The following CLOCK variants were observed in gnomAD, a reference collection of about 807,000 sequenced individuals.
CLOCK encodes the protein circadian locomoter output cycles protein kaput.
CLOCK carries 43 observed loss-of-function variants against 118.4 expected under a neutral mutation model. The observed-to-expected ratio is 0.36, with a 90% confidence interval of 0.28 to 0.47. CLOCK has a LOEUF of 0.47. CLOCK is among the 20% of genes least tolerant of loss of function. The pLI is 1.00. For missense variants in CLOCK, 846 were observed against 999.9 expected, an observed-to-expected ratio of 0.85 and a Z score of 2.08; for synonymous variants, 326 against 339.2, an observed-to-expected ratio of 0.96 and a Z score of 0.43.
rs1196269037 is a variant in CLOCK, at chr4:55,537,886, T to C, written c.-290+8896A>G. On this transcript the variant is annotated intron_variant, in intron 1 of 22. Transcript: ENST00000513440. ...GTCACAAATCAATGACCTCAGCTTC[T>C]ATCTTAAGAAACCAGAAAAAGAAAA... Among the ~76,000 whole-genome samples the C allele has an allele frequency of 2.0e-5, 3 of 152,162 alleles. No homozygotes were observed. The East Asian group carries it at 5.8e-4, about 29-fold the overall frequency.
chr4:55,470,040 G>T (rs886441693), intron 8 of CLOCK, among the ~76,000 whole-genome samples: 1 of 152,122 alleles, frequency 6.6e-6, no homozygotes, highest in African/African-American at 2.4e-5. Flanking sequence ...CAGTAAAAAA[G>T]TTATAATAAG....
intron 2 of CLOCK, among the ~76,000 whole-genome samples, chr4:55,500,708 GT>G (rs1728378715): frequency 1.3e-5 from 2 of 152,108 alleles, no homozygotes; most frequent in Admixed American, 1.3e-4. Flanking sequence ...TATCCATTAT[GT>G]TTTATCCATT....
In CLOCK at chr4:55,525,754, G is replaced by A. The variant is rs574087920; in HGVS notation, c.-289-15689C>T. On this transcript the variant is annotated intron_variant, in intron 1 of 22. Coordinates refer to ENST00000513440, the MANE Select transcript of CLOCK (RefSeq NM_004898.4). ...CAAAGTGCTGGAATTACAAGCATGAGCCACCACACCTGGCCAAATAAAAAA... is the reference window on the plus strand; with the variant it reads ...CAAAGTGCTGGAATTACAAGCATGAACCACCACACCTGGCCAAATAAAAAA... Among the ~76,000 whole-genome samples, 3 of 152,000 alleles carry A rather than the reference G, an allele frequency of 2.0e-5. No individual in the cohort carries two copies. In the South Asian group the frequency reaches 6.2e-4, roughly 32 times the overall value.
rs1724228402 is a variant in CLOCK, at chr4:55,449,409, G to A, written c.1436C>T (p.Ser479Leu). 6.2e-7 allele frequency: 1 copy of A among 1,613,544 alleles called. No homozygotes were observed. Among genetic ancestry groups the A allele is most frequent in the Non-Finnish European group, 8.5e-7 (1 of 1,179,688 alleles). The change falls in exon 17 of 23, where the codon TCA (serine) becomes TTA (leucine). Residue 479 changes from serine (S) to leucine (L), a missense_variant. Physicochemically the swap from Ser to Leu is moderately radical, Grantham distance 145 (BLOSUM62 -2). Coordinates refer to ENST00000513440, the MANE Select transcript of CLOCK (RefSeq NM_004898.4). ...AHEKMVQRRS[S>L]FSSQSINSQS... Reference sequence around the variant, plus strand: ...TAAAGAGCTTACCTGACTACTAAATGATGACCTTCTTTGCACCATCTTCTC... The same window carrying A: ...TAAAGAGCTTACCTGACTACTAAATAATGACCTTCTTTGCACCATCTTCTC...
chr4:55,469,878 T>C (rs1312657329), intron 8 of CLOCK, among the ~76,000 whole-genome samples: 1 of 152,038 alleles, frequency 6.6e-6, no homozygotes, highest in Non-Finnish European at 1.5e-5. Flanking sequence ...TTGGCTAATT[T>C]TTATGTTTTT....
chr4:55,506,749 T>A (rs1235721605), intron 2 of CLOCK, among the ~76,000 whole-genome samples: 1 of 151,850 alleles, frequency 6.6e-6, no homozygotes, highest in African/African-American at 2.4e-5. Context: ...TTAGTAGAGA[T>A]GGGGTTTTAC....
At chr4:55,525,606 T>C (rs1433032742) in intron 1 of CLOCK, among the ~76,000 whole-genome samples, 1 of 152,148 alleles carries the variant, frequency 6.6e-6, no homozygotes, top group East Asian at 1.9e-4. Flanking sequence ...GAGTAGCTGA[T>C]TACAGGTGTC....
chr4:55,459,189 T>G lies in CLOCK; in HGVS notation c.632A>C (p.Glu211Ala). 1.9e-6 allele frequency: 3 copies of G among 1,610,678 alleles called. No individual in the cohort carries two copies. The South Asian group carries it at 3.3e-5, about 18-fold the overall frequency. The stretch of plus-strand genomic sequence containing the variant: ...GAAATTTCCTATAAATTTTACATAT[T>G]CATAGGTAGATGGCTCCTTTGGGTC... Reference protein sequence around the residue: ...TIDPKEPSTYEYVKFIGNFKS... With the variant: ...TIDPKEPSTYAYVKFIGNFKS... The change falls in exon 10 of 23, where the codon GAA (glutamate) becomes GCA (alanine). Residue 211 changes from glutamate to alanine, a missense_variant. Glu to Ala is a moderately radical substitution (Grantham distance 107). Around this residue, in one of 4 missense-constraint regions of CLOCK, gnomAD observed 246 missense variants for 300.2 expected, o/e 0.82. Coordinates refer to ENST00000513440, the MANE Select transcript of CLOCK (RefSeq NM_004898.4).
chr4:55,435,356 A>C lies in CLOCK; in HGVS notation c.*59T>G. On this transcript the variant is annotated 3_prime_UTR_variant, in exon 23 of 23. Transcript: ENST00000513440. ...TTCCCTCCTTTCCTCAGGTCATCTGAGTAACTCTTAATGGGCCATCCCCTT... is the reference window on the plus strand; with the variant it reads ...TTCCCTCCTTTCCTCAGGTCATCTGCGTAACTCTTAATGGGCCATCCCCTT... 6.3e-7 allele frequency: 1 copy of C among 1,592,714 alleles called. No homozygotes were observed. Among genetic ancestry groups the C allele is most frequent in the Non-Finnish European group, 8.6e-7 (1 of 1,161,812 alleles).
chr4:55,476,027 T>C lies in CLOCK; in HGVS notation c.284A>G (p.Glu95Gly). The C allele has an allele frequency of 6.2e-7, 1 of 1,613,070 alleles. No individual in the cohort carries two copies. The highest frequency in any genetic ancestry group is 8.5e-7 in the Non-Finnish European group (1 of 1,179,186). Reference sequence around the variant, plus strand: ...TGTAGGTTTCCAGTCCTGTCGAATTTCACTAGCATCTGACTGTGCAGTGAT... The same window carrying C: ...TGTAGGTTTCCAGTCCTGTCGAATTCCACTAGCATCTGACTGTGCAGTGAT... ...KEITAQSDAS[E>G]IRQDWKPTFL... Residue 95 changes from glutamate to glycine, a missense_variant, in exon 7 of 23, where the codon GAA (glutamate) becomes GGA (glycine). Physicochemically the swap from Glu to Gly is moderately conservative, Grantham distance 98. Coordinates refer to ENST00000513440, the MANE Select transcript of CLOCK (RefSeq NM_004898.4).
At chr4:55,542,936 G>A (rs1204126405) in intron 1 of CLOCK, among the ~76,000 whole-genome samples, 2 of 152,094 alleles carry the variant, frequency 1.3e-5, no homozygotes, top group South Asian at 2.1e-4. Context: ...TAAAATTCAT[G>A]GAATCCAAGC....
At chr4:55,443,927 C>A in intron 19 of CLOCK, 31 bp from the exon 20 acceptor site, 2 of 1,586,330 alleles carry the variant, frequency 1.3e-6, no homozygotes, top group East Asian at 2.2e-5. Flanking sequence ...TTAAAATGAG[C>A]TTTGTAGATT....
Position 55,495,015 on chromosome 4 carries a change from T to A in CLOCK, c.-135-5550A>T, listed in dbSNP as rs201972452. Among the ~76,000 whole-genome samples the A allele has an allele frequency of 2.6e-5, 4 of 152,278 alleles. No homozygotes were observed. The East Asian group carries it at 7.7e-4, about 29-fold the overall frequency. On this transcript the variant is annotated intron_variant, in intron 2 of 22. Transcript: ENST00000513440. ...CTATACAGAATCCGGTTTCTCTCGA[T>A]AAACCTGGCTCTCACCAACACTTCC...
At chr4:55,456,087 G>A in intron 12 of CLOCK, 84 bp from the exon 13 acceptor site, 5 of 1,013,964 alleles carry the variant, frequency 4.9e-6, no homozygotes, top group African/African-American at 1.7e-5. Flanking sequence ...TGGGGGGGGG[G>A]CTTTATTTTT....
chr4:55,448,973 G>T, intron 17 of CLOCK, 105 bp from the exon 18 acceptor site: 1 of 922,268 alleles, frequency 1.1e-6, no homozygotes, highest in South Asian at 1.4e-5. Context: ...CTTACCATTT[G>T]CCTCATACTT....
chr4:55,492,409 C>A lies in CLOCK; in HGVS notation c.-135-2944G>T, dbSNP rs79635923. On this transcript the variant is annotated intron_variant, in intron 2 of 22. Coordinates refer to ENST00000513440, the MANE Select transcript of CLOCK (RefSeq NM_004898.4). ...CTAGGAATAGAAGGAATTTATAAACCAAGAAAAGGAGGAATTTCTCTTTCT... is the reference window on the plus strand; with the variant it reads ...CTAGGAATAGAAGGAATTTATAAACAAAGAAAAGGAGGAATTTCTCTTTCT... 9.9e-3 allele frequency among the ~76,000 whole-genome samples: 1,474 copies of A among 148,618 alleles called. 27 individuals are homozygous for A. Among genetic ancestry groups the A allele is most frequent in the African/African-American group, 0.034 (1,406 of 40,832 alleles).
intron 21 of CLOCK, among the ~76,000 whole-genome samples, chr4:55,440,562 A>G (rs1425108850): frequency 6.6e-6 from 1 of 152,210 alleles, no homozygotes; most frequent in Non-Finnish European, 1.5e-5. Context: ...TCTATTTTAT[A>G]CACTACACAA....
chr4:55,545,843 G>T (rs73819636), intron 1 of CLOCK: 6,579 of 152,382 alleles, frequency 0.043, 453 homozygotes, highest in African/African-American at 0.15. Flanking sequence ...CGGCGGTGAC[G>T]GGGAACGGGA....
intron 2 of CLOCK, among the ~76,000 whole-genome samples, chr4:55,491,981 GAATT>G (rs993118469): frequency 6.6e-6 from 1 of 152,092 alleles, no homozygotes; most frequent in African/African-American, 2.4e-5. Context: ...AACACTGAAA[GAATT>G]AATACCAATC....
Sources: gnomAD v4.1 joint callset for allele counts (sites outside exome capture counted in the v4.1 genomes callset) on GRCh38, gnomAD v4.1.1 for gene constraint, gnomAD v4.1.1 regional missense constraint, MANE v1.5 for transcripts, NCBI Gene and HGNC (gene_info 2026-07-23, HGNC 2026-07-21) for gene names.